Variants in RAB39A observed in about 807,000 individuals in gnomAD.
RAB39A encodes ras-related protein Rab-39A.
In RAB39A, 17 loss-of-function variants were observed where a neutral mutation model predicts 20.9. That is an observed-to-expected ratio of 0.81 (90% CI 0.56 to 1.22). RAB39A has a LOEUF of 1.22. Ranked by LOEUF, RAB39A falls within the 50% of genes most tolerant of loss-of-function variation. The pLI is 0.00. For synonymous variants in RAB39A, 99 were observed against 103.4 expected (o/e 0.96, Z 0.26); for missense variants, 234 against 270.5 (o/e 0.87, Z 0.95).
intron 1 of RAB39A, among the ~76,000 whole-genome samples, chr11:107,946,343 C>CAT (rs1555097274): frequency 3.0e-4 from 35 of 118,426 alleles, no homozygotes; most frequent in African/African-American, 1.0e-3. Flanking sequence ...CACACACACA[C>CAT]ATATATATAC....
intron 1 of RAB39A, 21 bp from the exon 2 acceptor site, chr11:107,961,925 T>A: frequency 6.3e-7 from 1 of 1,579,116 alleles, no homozygotes; most frequent in Non-Finnish European, 8.6e-7. Flanking sequence ...TTATACAACC[T>A]TTTTTCTCTT....
At chr11:107,938,170 C>T (rs1591242173) in intron 1 of RAB39A, among the ~76,000 whole-genome samples, 1 of 151,748 alleles carries the variant, frequency 6.6e-6, no homozygotes, top group Non-Finnish European at 1.5e-5. Flanking sequence ...CGAGGCCAGC[C>T]TGGCCAACAT....
At chr11:107,937,061 A>G (rs1861201622) in intron 1 of RAB39A, among the ~76,000 whole-genome samples, 1 of 152,208 alleles carries the variant, frequency 6.6e-6, no homozygotes. Context: ...AAGGTCAGCT[A>G]TAGTTCTATT....
chr11:107,937,450 T>G (rs1861206261), intron 1 of RAB39A, among the ~76,000 whole-genome samples: 1 of 152,120 alleles, frequency 6.6e-6, no homozygotes, highest in Non-Finnish European at 1.5e-5. Context: ...CAAATTAGTT[T>G]AATAGGGAAT....
At chr11:107,960,550 T>C (rs956422542) in intron 1 of RAB39A, among the ~76,000 whole-genome samples, 3 of 152,158 alleles carry the variant, frequency 2.0e-5, no homozygotes, top group African/African-American at 7.2e-5. Context: ...CCTTGCCTCA[T>C]GATTCAGCCA....
At chr11:107,946,764 G>A (rs1040941826) in intron 1 of RAB39A, among the ~76,000 whole-genome samples, 69 of 150,478 alleles carry the variant, frequency 4.6e-4, no homozygotes, top group Non-Finnish European at 6.5e-4. Flanking sequence ...GTGAGCCACC[G>A]CGCCCAGCCG....
intron 1 of RAB39A, among the ~76,000 whole-genome samples, chr11:107,960,209 C>CA (rs57337416): frequency 0.18 from 20,402 of 116,232 alleles, 1,812 homozygotes; most frequent in East Asian, 0.27. Context: ...GACTCCATCT[C>CA]AAAAAAAAAA....
chr11:107,938,160 C>A (rs558146867), intron 1 of RAB39A, among the ~76,000 whole-genome samples: 1 of 151,790 alleles, frequency 6.6e-6, no homozygotes, highest in East Asian at 1.9e-4. Flanking sequence ...GTCAGGAGTT[C>A]GAGGCCAGCC....
At chr11:107,940,287 A>G (rs984526866) in intron 1 of RAB39A, among the ~76,000 whole-genome samples, 1 of 151,484 alleles carries the variant, frequency 6.6e-6, no homozygotes, top group South Asian at 2.1e-4. Context: ...TTTTTTTTAG[A>G]TGAGTCACAT....
chr11:107,946,177 C>A (rs1237616025), intron 1 of RAB39A, among the ~76,000 whole-genome samples: 1 of 146,536 alleles, frequency 6.8e-6, no homozygotes, highest in African/African-American at 2.5e-5. Context: ...AACAAACAAA[C>A]AGGAAACAGC....
chr11:107,938,735 CAAAA>C (rs544043987), intron 1 of RAB39A, among the ~76,000 whole-genome samples: 4 of 103,822 alleles, frequency 3.9e-5, no homozygotes, highest in African/African-American at 1.1e-4. Context: ...GGCCCTATCT[CAAAA>C]AAAAAAAAAA....
At chr11:107,941,673 G>T (rs1861260427) in intron 1 of RAB39A, among the ~76,000 whole-genome samples, 2 of 152,132 alleles carry the variant, frequency 1.3e-5, no homozygotes, top group Admixed American at 6.6e-5. Flanking sequence ...AGTAAATCTG[G>T]ATGAAAGATA....
At chr11:107,946,602 A>G (rs1422860406) in intron 1 of RAB39A, among the ~76,000 whole-genome samples, 1 of 146,300 alleles carries the variant, frequency 6.8e-6, no homozygotes, top group South Asian at 2.2e-4. Context: ...TCTCCCAAGT[A>G]GCTGGGACTA....
intron 1 of RAB39A, among the ~76,000 whole-genome samples, chr11:107,944,073 C>T (rs763226772): frequency 1.3e-5 from 2 of 149,990 alleles, no homozygotes; most frequent in South Asian, 2.1e-4. Flanking sequence ...CCATCCAGGG[C>T]GACACAGTGA....
At chr11:107,934,367 G>A (rs1172993785) in intron 1 of RAB39A, among the ~76,000 whole-genome samples, 2 of 152,050 alleles carry the variant, frequency 1.3e-5, no homozygotes, top group Non-Finnish European at 2.9e-5. Flanking sequence ...CCAGGAGGTC[G>A]AGGCTTCTGT....
chr11:107,952,906 TAAAAC>T (rs1159937088), intron 1 of RAB39A, among the ~76,000 whole-genome samples: 1 of 151,824 alleles, frequency 6.6e-6, no homozygotes, highest in African/African-American at 2.4e-5. Flanking sequence ...AAATAAAAAA[TAAAAC>T]AAGCCAATCA....
At chr11:107,956,217 T>G (rs1036627153) in intron 1 of RAB39A, among the ~76,000 whole-genome samples, 22 of 152,214 alleles carry the variant, frequency 1.4e-4, no homozygotes, top group Admixed American at 9.2e-4. Context: ...CCTCACTCTC[T>G]CTGATATTTC....
intron 1 of RAB39A, among the ~76,000 whole-genome samples, chr11:107,954,458 C>T (rs1861413505): frequency 6.6e-6 from 1 of 152,106 alleles, no homozygotes; most frequent in Non-Finnish European, 1.5e-5. Context: ...TGTTTTTTAC[C>T]CAGCATGCCA....
chr11:107,940,386 C>T (rs889876928), intron 1 of RAB39A, among the ~76,000 whole-genome samples: 4 of 151,996 alleles, frequency 2.6e-5, no homozygotes, highest in African/African-American at 9.7e-5. Context: ...ACCTCAGCCT[C>T]CCGAGTAGCT....
Sources: gnomAD v4.1 joint callset for allele counts (sites outside exome capture counted in the v4.1 genomes callset) on GRCh38, gnomAD v4.1.1 for gene constraint, MANE v1.5 for transcripts, NCBI Gene and HGNC (gene_info 2026-07-23, HGNC 2026-07-21) for gene names.